RIC1: variants seen among roughly 807,000 people sequenced by gnomAD.
RIC1 encodes guanine nucleotide exchange factor subunit RIC1.
A neutral mutation model predicts 169.0 loss-of-function variants in RIC1; 88 were observed. The ratio of observed to expected loss-of-function variants is 0.52; its 90% CI spans 0.44 to 0.62. The LOEUF (loss-of-function observed/expected upper bound fraction) is 0.62, where lower values mean the gene tolerates loss of function less well. Among genes scored for constraint, RIC1 ranks in the 20% least tolerant of loss-of-function variants. The pLI is 0.00. For synonymous variants in RIC1, 790 were observed against 601.5 expected, an observed-to-expected ratio of 1.31 and a Z score of -4.59; for missense variants, 1,877 against 1,725.5, an observed-to-expected ratio of 1.09 and a Z score of -1.56.
intron 2 of RIC1, among the ~76,000 whole-genome samples, chr9:5,670,616 A>T (rs1820029873): frequency 6.6e-6 from 1 of 152,126 alleles, no homozygotes; most frequent in South Asian, 2.1e-4. Context: ...TTTATATATA[A>T]AATCCAAAGC....
intron 2 of RIC1, among the ~76,000 whole-genome samples, chr9:5,666,792 A>T (rs1819793955): frequency 7.6e-6 from 1 of 132,076 alleles, no homozygotes; most frequent in African/African-American, 2.6e-5. Context: ...CACACAATAT[A>T]TTGATTTATA....
chr9:5,721,480 G>C (rs924875907), intron 6 of RIC1, among the ~76,000 whole-genome samples: 5 of 152,194 alleles, frequency 3.3e-5, no homozygotes, highest in African/African-American at 1.2e-4. Flanking sequence ...GAGCCCCAGG[G>C]TCCTACCCGC....
chr9:5,672,114 G>A (rs773356460), intron 2 of RIC1, among the ~76,000 whole-genome samples: 1 of 152,182 alleles, frequency 6.6e-6, no homozygotes, highest in Admixed American at 6.5e-5. Context: ...GACTGCTGAA[G>A]CCTCAGCTCA....
intron 8 of RIC1, 152 bp downstream of exon 8, chr9:5,738,690 T>C (rs1824888444): frequency 2.2e-6 from 1 of 457,692 alleles, no homozygotes; most frequent in Non-Finnish European, 3.8e-6. Context: ...AGTCTGGAAA[T>C]TGATTGAGGG....
chr9:5,690,994 T>C (rs1038246400), intron 3 of RIC1, among the ~76,000 whole-genome samples: 5 of 151,952 alleles, frequency 3.3e-5, no homozygotes, highest in Admixed American at 1.3e-4. Flanking sequence ...TAACCATTTT[T>C]ATTTTTTAAT....
intron 17 of RIC1, among the ~76,000 whole-genome samples, chr9:5,761,666 A>G (rs887405007): frequency 1.3e-5 from 2 of 151,988 alleles, no homozygotes; most frequent in Non-Finnish European, 2.9e-5. Flanking sequence ...CTCTTTTTCT[A>G]CCTTTCATGT....
chr9:5,736,201 C>A (rs1824693217), intron 7 of RIC1, among the ~76,000 whole-genome samples: 1 of 152,312 alleles, frequency 6.6e-6, no homozygotes, highest in Non-Finnish European at 1.5e-5. Flanking sequence ...CAAACACCTG[C>A]TACCCACTTA....
intron 6 of RIC1, among the ~76,000 whole-genome samples, chr9:5,722,427 C>T (rs1823664366): frequency 6.7e-6 from 1 of 149,334 alleles, no homozygotes; most frequent in Admixed American, 6.7e-5. Context: ...TATCACACGT[C>T]CACATGCATG....
intron 7 of RIC1, among the ~76,000 whole-genome samples, chr9:5,732,923 AAT>A (rs1824457913): frequency 6.6e-6 from 1 of 152,150 alleles, no homozygotes; most frequent in Non-Finnish European, 1.5e-5. Context: ...TAGTTTATTA[AAT>A]AGAGATTTTA....
chr9:5,752,204 G>A (rs1278074336), intron 12 of RIC1, among the ~76,000 whole-genome samples: 7 of 152,244 alleles, frequency 4.6e-5, no homozygotes, highest in East Asian at 1.9e-4. Flanking sequence ...GACAGACAAC[G>A]TGGAAAAATG....
chr9:5,727,450 C>A (rs117352927), intron 6 of RIC1, among the ~76,000 whole-genome samples: 1,901 of 152,248 alleles, frequency 0.012, 20 homozygotes, highest in Non-Finnish European at 0.018. Flanking sequence ...AATCTTTTTT[C>A]AAGATTTTTT....
intron 3 of RIC1, among the ~76,000 whole-genome samples, chr9:5,708,620 TCTTA>T (rs1822744630): frequency 6.6e-6 from 1 of 152,130 alleles, no homozygotes; most frequent in Admixed American, 6.5e-5. Context: ...TGGCTGTCAG[TCTTA>T]CTTGGGATCT....
chr9:5,680,290 G>T (rs917919154), intron 2 of RIC1, among the ~76,000 whole-genome samples: 28 of 152,204 alleles, frequency 1.8e-4, no homozygotes, highest in Non-Finnish European at 8.8e-5. Context: ...AAGGATATTG[G>T]TCTAAAATTT....
At position 5,775,030 on chromosome 9, in the gene RIC1, T is replaced by C. The variant is rs946963135; in HGVS notation, c.*784T>C. On this transcript the variant is annotated 3_prime_UTR_variant, in exon 26 of 26. Transcript: ENST00000414202. ...CATATTTTAGGGCTTGTATTATAAT[T>C]TGCAAGGTTTTAATGCTGGATTCTG... 2.0e-5 allele frequency: 3 copies of C among 152,206 alleles called. No homozygotes were observed. The highest frequency in any genetic ancestry group is 4.4e-5 in the Non-Finnish European group (3 of 68,040). 9.4% of individuals were successfully genotyped at this position (152,206 alleles called of 1,614,324 possible).
intron 2 of RIC1, among the ~76,000 whole-genome samples, chr9:5,658,757 C>A (rs1483429688): frequency 6.6e-6 from 1 of 151,224 alleles, no homozygotes; most frequent in Non-Finnish European, 1.5e-5. Flanking sequence ...GCAGGAATAT[C>A]TTGAATTGCC....
downstream of RIC1, among the ~76,000 whole-genome samples, chr9:5,777,789 G>A (rs1443190344): frequency 6.6e-6 from 1 of 151,912 alleles, no homozygotes; most frequent in Non-Finnish European, 1.5e-5. Flanking sequence ...TAGAGGTATG[G>A]GTTTATTTAT....
At chr9:5,723,500 C>T (rs1416768438) in intron 6 of RIC1, among the ~76,000 whole-genome samples, 4 of 152,078 alleles carry the variant, frequency 2.6e-5, no homozygotes, top group Admixed American at 1.3e-4. Flanking sequence ...TTTTCCCATT[C>T]TGTAGGTTGC....
intron 3 of RIC1, chr9:5,713,658 T>C: frequency 3.4e-6 from 1 of 298,392 alleles, no homozygotes; most frequent in Non-Finnish European, 6.3e-6. Context: ...TCTCAGATTC[T>C]CTGCTCTTCT....
At chr9:5,757,779 T>C (rs1826091079) in intron 17 of RIC1, among the ~76,000 whole-genome samples, 1 of 152,076 alleles carries the variant, frequency 6.6e-6, no homozygotes, top group Non-Finnish European at 1.5e-5. Flanking sequence ...TAAGTAGAAA[T>C]TATCCAAGTT....
Sources: gnomAD v4.1 joint callset for allele counts (sites outside exome capture counted in the v4.1 genomes callset) on GRCh38, gnomAD v4.1.1 for gene constraint, MANE v1.5 for transcripts, NCBI Gene and HGNC (gene_info 2026-07-23, HGNC 2026-07-21) for gene names.